Variants in CELF2 observed in about 807,000 individuals in gnomAD.
The protein encoded by CELF2 is CUG triplet repeat RNA-binding protein 2.
In CELF2, 8 loss-of-function variants were observed where a neutral mutation model predicts 62.6. The observed-to-expected ratio is 0.13, with a 90% CI of 0.07 to 0.23. The LOEUF (loss-of-function observed/expected upper bound fraction) is 0.23, where lower values mean the gene tolerates loss of function less well. Among genes scored for constraint, CELF2 ranks in the 10% least tolerant of loss-of-function variants. CELF2 has a pLI of 1.00. For synonymous variants in CELF2, 258 were observed against 250.0 expected (o/e 1.03, Z -0.30); for missense variants, 333 against 671.0 (o/e 0.50, Z 5.56).
the CELF2 span, among the ~76,000 whole-genome samples, chr10:10,599,027 C>T: frequency 6.6e-6 from 1 of 152,020 alleles, no homozygotes; most frequent in Non-Finnish European, 1.5e-5. Context: ...GCTGGGATTA[C>T]AGACGTGAGC....
In CELF2 at chr10:10,957,395, C is replaced by A. The variant is rs1040670001; in HGVS notation, c.89+37396C>A. 6.6e-6 allele frequency among the ~76,000 whole-genome samples: 1 copy of A among 152,138 alleles called. No homozygotes were observed. Among genetic ancestry groups the A allele is most frequent in the Non-Finnish European group, 1.5e-5 (1 of 68,030 alleles). On this transcript the variant is annotated intron_variant, in intron 2 of 13. Transcript: ENST00000636488. The surrounding 1 kb of genome is among the most constrained non-coding windows in gnomAD (Gnocchi z 4.1). ...TCTCGCTGAAGGATGATCTCAGATG[C>A]CTTCTGTTTGAATGTAAGAGGATGA...
chr10:10,562,649 T>C, the CELF2 span, among the ~76,000 whole-genome samples: 1 of 152,206 alleles, frequency 6.6e-6, no homozygotes, highest in African/African-American at 2.4e-5. Context: ...AGGAAGGTTC[T>C]CATTCCTGAA....
At chr10:10,727,419 T>C in the CELF2 span, among the ~76,000 whole-genome samples, 1 of 152,184 alleles carries the variant, frequency 6.6e-6, no homozygotes, top group African/African-American at 2.4e-5. Flanking sequence ...GGAACTAAAC[T>C]CCAAGCTGGC....
At chr10:10,999,444 G>A (rs1299295630) in intron 2 of CELF2, among the ~76,000 whole-genome samples, 2 of 152,166 alleles carry the variant, frequency 1.3e-5, no homozygotes, top group African/African-American at 4.8e-5. Context: ...AGTATTATAT[G>A]AGAGCTATGC....
At chr10:10,544,223 C>T in the CELF2 span, among the ~76,000 whole-genome samples, 1 of 152,214 alleles carries the variant, frequency 6.6e-6, no homozygotes, top group Non-Finnish European at 1.5e-5. Flanking sequence ...AGCAAATTCC[C>T]TGTTGGCCAT....
At position 11,324,284 on chromosome 10, in the gene CELF2, C is replaced by A. The variant is rs973896262; in HGVS notation, c.1295-1552C>A. ...ATAACTCTCATTTGTGCATTTGGAT[C>A]TTTTGTGCAGTAGCAACATGAAAGC... On this transcript the variant is annotated intron_variant, in intron 11 of 12. Coordinates refer to ENST00000633077, the MANE Select transcript of CELF2 (RefSeq NM_001326342.2). The surrounding 1 kb of genome is among the most constrained non-coding windows in gnomAD (Gnocchi z 4.7). 6.6e-6 allele frequency among the ~76,000 whole-genome samples: 1 copy of A among 152,226 alleles called. No individual in the cohort carries two copies. The highest frequency in any genetic ancestry group is 2.4e-5 in the African/African-American group (1 of 41,458).
intron 2 of CELF2, among the ~76,000 whole-genome samples, chr10:10,968,378 C>T (rs2050379629): frequency 6.6e-6 from 1 of 152,170 alleles, no homozygotes; most frequent in Non-Finnish European, 1.5e-5. Context: ...CCAGCTGCCA[C>T]CTAGCAATGT....
At chr10:11,251,861 G>A (rs2077252209) in intron 4 of CELF2, among the ~76,000 whole-genome samples, 2 of 152,194 alleles carry the variant, frequency 1.3e-5, no homozygotes, top group South Asian at 4.1e-4. Context: ...CACTCACCGA[G>A]GCAGCCTTTT....
chr10:11,300,719 C>G lies in CELF2; in HGVS notation c.976+12167C>G, dbSNP rs752520838. The stretch of plus-strand genomic sequence containing the variant: ...ATGGCTTAATTATCCTACTTCCTCA[C>G]AATCTTTTCCTGCGCAGTTGGAATT... On this transcript the variant is annotated intron_variant, in intron 9 of 12. Coordinates refer to ENST00000633077, the MANE Select transcript of CELF2 (RefSeq NM_001326342.2). The surrounding 1 kb of genome is among the most constrained non-coding windows in gnomAD (Gnocchi z 5.5). 6.6e-6 allele frequency among the ~76,000 whole-genome samples: 1 copy of G among 152,228 alleles called. No homozygotes were observed. Among genetic ancestry groups the G allele is most frequent in the African/African-American group, 2.4e-5 (1 of 41,464 alleles).
At chr10:11,089,835 G>A (rs1041682428) in intron 1 of CELF2, among the ~76,000 whole-genome samples, 22 of 152,094 alleles carry the variant, frequency 1.4e-4, no homozygotes, top group African/African-American at 4.1e-4. Flanking sequence ...GGAATACTTC[G>A]TTGCCATAAA....
chr10:10,538,839 T>G, the CELF2 span, among the ~76,000 whole-genome samples: 1 of 152,254 alleles, frequency 6.6e-6, no homozygotes, highest in East Asian at 1.9e-4. Context: ...ACCACGTTTT[T>G]CTCTTGCCCT....
intron 2 of CELF2, among the ~76,000 whole-genome samples, chr10:10,996,042 A>T (rs1380792239): frequency 2.0e-5 from 3 of 152,358 alleles, no homozygotes; most frequent in South Asian, 4.1e-4. Context: ...TTACTAAAAA[A>T]GTTTAAAGTA....
the CELF2 span, among the ~76,000 whole-genome samples, chr10:10,572,047 A>G: frequency 6.6e-6 from 1 of 152,134 alleles, no homozygotes; most frequent in Non-Finnish European, 1.5e-5. Flanking sequence ...GCCATGGAGA[A>G]TAGCTTTAGA....
chr10:10,904,979 G>A (rs1591737622), intron 1 of CELF2, among the ~76,000 whole-genome samples: 1 of 152,080 alleles, frequency 6.6e-6, no homozygotes, highest in African/African-American at 2.4e-5. Flanking sequence ...CATCCTGTTT[G>A]GATGTCTCTT....
chr10:11,077,462 G>A (rs1407264522), intron 1 of CELF2, among the ~76,000 whole-genome samples: 9 of 152,290 alleles, frequency 5.9e-5, no homozygotes, highest in East Asian at 1.9e-4. Flanking sequence ...TGCCCTAAGC[G>A]TGATCAAAAT....
At chr10:10,779,495 T>A in the CELF2 span, among the ~76,000 whole-genome samples, 1 of 152,188 alleles carries the variant, frequency 6.6e-6, no homozygotes, top group African/African-American at 2.4e-5. Context: ...CCTCTTTTTT[T>A]TTCCCTTCCT....
intron 2 of CELF2, among the ~76,000 whole-genome samples, chr10:10,970,059 GTATTTATTTATT>G (rs762933697): frequency 1.3e-5 from 2 of 151,992 alleles, no homozygotes; most frequent in Non-Finnish European, 2.9e-5. Context: ...TTTGTGTGAT[GTATTTATTTATT>G]TATTTATTTA....
chr10:11,254,493 C>A (rs1295590034), intron 4 of CELF2, among the ~76,000 whole-genome samples: 1 of 152,142 alleles, frequency 6.6e-6, no homozygotes, highest in Non-Finnish European at 1.5e-5. Context: ...GCTGAGTTGA[C>A]CTTGAGTGAT....
At chr10:10,576,677 C>T in the CELF2 span, among the ~76,000 whole-genome samples, 2 of 152,176 alleles carry the variant, frequency 1.3e-5, no homozygotes, top group Non-Finnish European at 2.9e-5. Context: ...AACTATAAAA[C>T]CTAGCCCCTT....
Sources: gnomAD v4.1 joint callset for allele counts (sites outside exome capture counted in the v4.1 genomes callset) on GRCh38, gnomAD v4.1.1 for gene constraint, Gnocchi (gnomAD v3.1) non-coding constraint, MANE v1.5 for transcripts, NCBI Gene and HGNC (gene_info 2026-07-23, HGNC 2026-07-21) for gene names.